TLL1: variants seen among roughly 807,000 people sequenced by gnomAD.
The protein encoded by TLL1 is tolloid-like protein 1.
In TLL1, 49 loss-of-function variants were observed where a neutral mutation model predicts 128.2. The ratio of observed to expected loss-of-function variants is 0.38; its 90% CI spans 0.30 to 0.48. The LOEUF is 0.48. Among genes scored for constraint, TLL1 ranks in the 20% least tolerant of loss-of-function variants. The pLI, the probability that TLL1 is intolerant of heterozygous loss-of-function variation, is 0.96. For missense variants in TLL1, 1,123 were observed against 1,242.0 expected (o/e 0.90, Z 1.44); for synonymous variants, 454 against 418.8 (o/e 1.08, Z -1.03).
chr4:166,020,705 C>T (rs1295556946), intron 8 of TLL1, among the ~76,000 whole-genome samples: 2 of 152,118 alleles, frequency 1.3e-5, no homozygotes, highest in Admixed American at 6.6e-5. Flanking sequence ...TGACCTTTTG[C>T]TTATAACTGT....
intron 7 of TLL1, among the ~76,000 whole-genome samples, chr4:166,012,379 T>G (rs1197535374): frequency 6.6e-6 from 1 of 151,600 alleles, no homozygotes; most frequent in African/African-American, 2.4e-5. Flanking sequence ...GAAGGGAGAT[T>G]ACCTTAGTAG....
chr4:166,068,568 G>GATAAACTTTGT (rs1740677491), intron 16 of TLL1, among the ~76,000 whole-genome samples: 2 of 151,712 alleles, frequency 1.3e-5, no homozygotes, highest in Non-Finnish European at 2.9e-5. Context: ...CTTCGTTACT[G>GATAAACTTTGT]GATTTATTGT....
At chr4:165,978,200 T>A (rs887100308) in intron 1 of TLL1, among the ~76,000 whole-genome samples, 1 of 152,152 alleles carries the variant, frequency 6.6e-6, no homozygotes, top group Non-Finnish European at 1.5e-5. Flanking sequence ...CAAAAAGCTC[T>A]GATTTTTTTA....
chr4:166,091,399 G>C (rs1216455368), intron 19 of TLL1, 58 bp downstream of exon 19: 7 of 1,462,432 alleles, frequency 4.8e-6, no homozygotes, highest in Non-Finnish European at 6.6e-6. Context: ...TTTTCTTCTG[G>C]TGAATTTGGT....
chr4:165,922,063 A>G (rs910256364), intron 1 of TLL1, among the ~76,000 whole-genome samples: 4 of 152,158 alleles, frequency 2.6e-5, no homozygotes, highest in Non-Finnish European at 5.9e-5. Context: ...GGATTGCTCT[A>G]GCTTTTCAGG....
chr4:166,089,888 G>C (rs1741685848), intron 18 of TLL1, among the ~76,000 whole-genome samples: 1 of 151,756 alleles, frequency 6.6e-6, no homozygotes, highest in Admixed American at 6.6e-5. Context: ...CTACTCCCTA[G>C]TTAATATGAA....
At chr4:165,992,559 T>C (rs55692579) in intron 2 of TLL1, among the ~76,000 whole-genome samples, 34 of 152,174 alleles carry the variant, frequency 2.2e-4, no homozygotes, top group Non-Finnish European at 4.7e-4. Context: ...GACTCAATTG[T>C]CATGATGTCC....
At chr4:166,069,487 A>G (rs143449853) in intron 16 of TLL1, among the ~76,000 whole-genome samples, 2 of 151,740 alleles carry the variant, frequency 1.3e-5, no homozygotes. Context: ...TATTAAAAAT[A>G]AAACTCTAGC....
intron 1 of TLL1, among the ~76,000 whole-genome samples, chr4:165,921,316 C>T (rs895648650): frequency 7.2e-5 from 11 of 152,074 alleles, no homozygotes; most frequent in African/African-American, 1.7e-4. Flanking sequence ...CTTTTTTATA[C>T]GTGTATTTTG....
rs543758628 is a variant in TLL1, at chr4:166,101,078, G to T, written c.*202G>T. The T allele has an allele frequency of 9.2e-4, 543 of 591,220 alleles. 6 individuals carry two copies. The South Asian group carries it at 0.01, about 11-fold the overall frequency. The allele number at this position is 591,220 out of a possible 1,614,324, so 36.6% of individuals were successfully genotyped here. ...CATTACAAGGATATTTGAACTCCATGCTTGATGGTATTAATAAAGCTGGTG... is the reference window on the plus strand; with the variant it reads ...CATTACAAGGATATTTGAACTCCATTCTTGATGGTATTAATAAAGCTGGTG... On this transcript the variant is annotated 3_prime_UTR_variant, in exon 21 of 21. Transcript: ENST00000061240.
At chr4:166,020,062 T>C (rs1280211155) in intron 8 of TLL1, among the ~76,000 whole-genome samples, 2 of 152,158 alleles carry the variant, frequency 1.3e-5, no homozygotes, top group African/African-American at 4.8e-5. Flanking sequence ...TATGCATTGT[T>C]GTGTTAAGAA....
rs1035137628 is a variant in TLL1 at position 165,950,206 on chromosome 4, A to G, written c.170-39175A>G. Among the ~76,000 whole-genome samples, 102 of 152,158 alleles carry G rather than the reference A, an allele frequency of 6.7e-4. 2 individuals carry two copies. The highest frequency in any genetic ancestry group is 1.5e-4 in the Non-Finnish European group (10 of 68,010). ...AATATTATGTAAAAAGTGTCAACTTAGCAACTCAGAACTATTTATATAGGT... is the reference window on the plus strand; with the variant it reads ...AATATTATGTAAAAAGTGTCAACTTGGCAACTCAGAACTATTTATATAGGT... On this transcript the variant is annotated intron_variant, in intron 1 of 20. Coordinates refer to ENST00000061240, the MANE Select transcript of TLL1 (RefSeq NM_012464.5).
Position 166,003,550 on chromosome 4 carries a change from A to C in TLL1, c.792A>C (p.Ile264=). ...ATCGAGATAACCACGTAACTATCAT[A>C]AGAGAAAACATCCAGCCAGGTGAGA... The part of the protein sequence containing the change: ...RPDRDNHVTI[I]RENIQPGQEY... Residue 264 remains isoleucine (I), a synonymous_variant, in exon 6 of 21, where the codon ATA becomes ATC. Coordinates refer to ENST00000061240, the MANE Select transcript of TLL1 (RefSeq NM_012464.5). 1 of 1,613,988 alleles carries C rather than the reference A, an allele frequency of 6.2e-7. No homozygotes were observed. The highest frequency in any genetic ancestry group is 8.5e-7 in the Non-Finnish European group (1 of 1,179,900).
At chr4:166,004,532 T>C (rs1737322057) in intron 6 of TLL1, among the ~76,000 whole-genome samples, 1 of 152,042 alleles carries the variant, frequency 6.6e-6, no homozygotes, top group Non-Finnish European at 1.5e-5. Context: ...TAATTAGTAA[T>C]ATATGTTGAA....
In TLL1 at chr4:165,956,462, T is replaced by C. The variant is rs186812278; in HGVS notation, c.170-32919T>C. Among the ~76,000 whole-genome samples, 119 of 152,216 alleles carry C rather than the reference T, an allele frequency of 7.8e-4. No homozygotes were observed. The East Asian group carries it at 0.019, about 25-fold the overall frequency. Reference sequence around the variant, plus strand: ...CCAAGGTATTAATGTTAATATTCCTTGCTAGGAAAAGAATTTAGCAATATC... The same window carrying C: ...CCAAGGTATTAATGTTAATATTCCTCGCTAGGAAAAGAATTTAGCAATATC... On this transcript the variant is annotated intron_variant, in intron 1 of 20. Transcript: ENST00000061240.
chr4:166,069,339 C>G (rs553039723), intron 16 of TLL1, among the ~76,000 whole-genome samples: 48 of 151,670 alleles, frequency 3.2e-4, no homozygotes, highest in Admixed American at 3.3e-4. Context: ...CTTTATGAAA[C>G]CTTAACACAA....
chr4:166,093,654 G>A (rs1741885417), intron 19 of TLL1, among the ~76,000 whole-genome samples: 1 of 152,112 alleles, frequency 6.6e-6, no homozygotes, highest in African/African-American at 2.4e-5. Context: ...CAGGTGTCGG[G>A]CTGGGGGACG....
intron 1 of TLL1, among the ~76,000 whole-genome samples, chr4:165,913,294 C>A (rs529811976): frequency 6.6e-6 from 1 of 152,112 alleles, no homozygotes; most frequent in South Asian, 2.1e-4. Flanking sequence ...TAGTTTATAT[C>A]CTTATGTTGC....
At chr4:165,973,414 C>T (rs977109297) in intron 1 of TLL1, among the ~76,000 whole-genome samples, 6 of 151,914 alleles carry the variant, frequency 3.9e-5, no homozygotes, top group African/African-American at 9.7e-5. Flanking sequence ...CATGTTCTAC[C>T]TTTGGAATCG....
Sources: allele counts gnomAD v4.1 joint callset (sites outside exome capture counted in the v4.1 genomes callset), GRCh38; gene constraint gnomAD v4.1.1; transcripts MANE v1.5; gene names NCBI Gene and HGNC (gene_info 2026-07-23, HGNC 2026-07-21).